Variants in ZFHX4 observed in about 807,000 individuals in gnomAD.
ZFHX4 encodes the protein zinc finger homeobox protein 4.
In ZFHX4, 56 loss-of-function variants were observed where a neutral mutation model predicts 267.6. That is an observed-to-expected ratio of 0.21 (90% CI 0.17 to 0.26). The LOEUF is 0.26. ZFHX4 is among the 10% of genes least tolerant of loss of function. The probability of loss-of-function intolerance (pLI) is 1.00; values close to 1 mark genes in which losing one functional copy is unlikely to be tolerated. For missense variants in ZFHX4, 4,332 were observed against 4,420.0 expected (o/e 0.98, Z 0.56); for synonymous variants, 1,778 against 1,665.6 (o/e 1.07, Z -1.64).
In ZFHX4 at chr8:76,864,535, T is replaced by C; in HGVS notation, c.10821T>C (p.Asn3607=). The part of the protein sequence containing the change: ...KPASGLDGNF[N]SIRMDMFSV ...CTTCTGGCCTAGATGGTAATTTCAA[T>C]AGCATCCGAATGGATATGTTCAGTG... Residue 3607 remains asparagine, a synonymous_variant, in exon 11 of 11, where the codon AAT becomes AAC. Transcript: ENST00000651372. 2 of 1,610,878 alleles carry C rather than the reference T, an allele frequency of 1.2e-6. No homozygotes were observed. The highest frequency in any genetic ancestry group is 1.1e-5 in the South Asian group (1 of 90,626).
chr8:76,758,557 C>G (rs549799139), intron 3 of ZFHX4, among the ~76,000 whole-genome samples: 1 of 152,102 alleles, frequency 6.6e-6, no homozygotes. Flanking sequence ...TGCAGTAGCA[C>G]GATCTCAGCT....
In ZFHX4 at chr8:76,863,158, G is replaced by A. The variant is rs781096405; in HGVS notation, c.9444G>A (p.Leu3148=). 2 of 1,551,496 alleles carry A rather than the reference G, an allele frequency of 1.3e-6. No homozygotes were observed. The highest frequency in any genetic ancestry group is 1.4e-5 in the African/African-American group (1 of 72,972). The change falls in exon 11 of 11, where the codon CTG becomes CTA. Residue 3148 remains leucine (L), a synonymous_variant. Transcript: ENST00000651372. ...FPTSATSSPA[L]SLSSAPTKPL... ...CTTCAGCTACTTCGTCTCCTGCCCTGTCTCTCAGCAGTGCCCCCACCAAAC... is the reference window on the plus strand; with the variant it reads ...CTTCAGCTACTTCGTCTCCTGCCCTATCTCTCAGCAGTGCCCCCACCAAAC...
chr8:76,718,089 G>C (rs1808626478), intron 3 of ZFHX4, among the ~76,000 whole-genome samples: 1 of 152,172 alleles, frequency 6.6e-6, no homozygotes, highest in African/African-American at 2.4e-5. Flanking sequence ...CAATTTACAA[G>C]ACATCTCCTT....
intron 4 of ZFHX4, among the ~76,000 whole-genome samples, chr8:76,810,976 T>C (rs1444944708): frequency 6.6e-6 from 1 of 152,174 alleles, no homozygotes. Flanking sequence ...AAGAAGCTAC[T>C]AGGCCATCTC....
intron 3 of ZFHX4, 94 bp downstream of exon 3, chr8:76,708,142 A>G: frequency 6.6e-7 from 1 of 1,516,702 alleles, no homozygotes; most frequent in Non-Finnish European, 9.0e-7. Flanking sequence ...TAAGGAAAAA[A>G]AAAGAGAAAA....
intron 4 of ZFHX4, among the ~76,000 whole-genome samples, chr8:76,788,798 A>C (rs1810761379): frequency 6.6e-6 from 1 of 152,216 alleles, no homozygotes; most frequent in Admixed American, 6.5e-5. Flanking sequence ...GGAAAAAGTG[A>C]AATATTTTAA....
intron 4 of ZFHX4, among the ~76,000 whole-genome samples, chr8:76,808,599 G>C (rs867085187): frequency 6.6e-6 from 1 of 152,174 alleles, no homozygotes; most frequent in South Asian, 2.1e-4. Flanking sequence ...GATAAGTGTC[G>C]CAGTTAAGAG....
intron 3 of ZFHX4, among the ~76,000 whole-genome samples, chr8:76,751,781 C>T (rs1809619976): frequency 6.6e-6 from 1 of 152,122 alleles, no homozygotes; most frequent in East Asian, 1.9e-4. Context: ...AGAAAGTACA[C>T]AATTTGCTTT....
intron 4 of ZFHX4, among the ~76,000 whole-genome samples, chr8:76,801,420 T>A (rs1199228611): frequency 6.6e-6 from 1 of 152,194 alleles, no homozygotes; most frequent in Non-Finnish European, 1.5e-5. Flanking sequence ...TTAAAAGAAC[T>A]CTTTGTCCTC....
At chr8:76,833,721 A>G (rs1032086) in intron 5 of ZFHX4, 146,497 of 287,472 alleles carry the variant, frequency 0.51, 39,496 homozygotes, top group African/African-American at 0.75. Context: ...TGATGAATCT[A>G]TATTGACACA....
In ZFHX4 at chr8:76,851,979, C is replaced by T; in HGVS notation, c.5058C>T (p.His1686=). The change falls in exon 10 of 11, where the codon CAC becomes CAT. Residue 1686 remains histidine (H), a synonymous_variant. Transcript: ENST00000651372. ...TAATCTCTGCTCAACCTGCACATCA[C>T]CCACCACAGTCACCAGCACAAATTC... is the stretch of plus-strand genomic sequence containing the variant. ...PDLISAQPAH[H]PPQSPAQIQM... is the part of the protein sequence containing the mutation. 1 of 1,613,972 alleles carries T rather than the reference C, an allele frequency of 6.2e-7. No homozygotes were observed. Among genetic ancestry groups the T allele is most frequent in the Non-Finnish European group, 8.5e-7 (1 of 1,179,872 alleles).
chr8:76,751,227 G>T (rs1809606851), intron 3 of ZFHX4, among the ~76,000 whole-genome samples: 2 of 152,088 alleles, frequency 1.3e-5, no homozygotes, highest in African/African-American at 4.8e-5. Flanking sequence ...TGCTGAGAGT[G>T]TATCTCAGCC....
intron 4 of ZFHX4, among the ~76,000 whole-genome samples, chr8:76,783,978 A>C (rs1035490064): frequency 6.6e-6 from 1 of 152,062 alleles, no homozygotes; most frequent in Non-Finnish European, 1.5e-5. Flanking sequence ...AATAATATAC[A>C]GAAGATGAAA....
At chr8:76,799,303 A>G (rs1418064464) in intron 4 of ZFHX4, among the ~76,000 whole-genome samples, 14 of 151,802 alleles carry the variant, frequency 9.2e-5, no homozygotes, top group Admixed American at 9.2e-4. Context: ...AGAATGTAGC[A>G]GAGAATTATC....
chr8:76,817,898 A>T (rs1811547570), intron 4 of ZFHX4, among the ~76,000 whole-genome samples: 1 of 152,228 alleles, frequency 6.6e-6, no homozygotes, highest in Non-Finnish European at 1.5e-5. Flanking sequence ...TATCTGGAAG[A>T]TTCTTCTACT....
chr8:76,789,874 C>T (rs935143410), intron 4 of ZFHX4, among the ~76,000 whole-genome samples: 6 of 152,174 alleles, frequency 3.9e-5, no homozygotes, highest in East Asian at 1.9e-4. Flanking sequence ...TATGAATGCA[C>T]GACAGAATCT....
At chr8:76,824,382 A>C (rs1811732014) in intron 4 of ZFHX4, among the ~76,000 whole-genome samples, 1 of 152,142 alleles carries the variant, frequency 6.6e-6, no homozygotes, top group African/African-American at 2.4e-5. Flanking sequence ...CCACATTTGT[A>C]GGCCTATATA....
chr8:76,761,822 T>G (rs1809921955), intron 3 of ZFHX4, among the ~76,000 whole-genome samples: 1 of 152,198 alleles, frequency 6.6e-6, no homozygotes, highest in Non-Finnish European at 1.5e-5. Flanking sequence ...GCCTGATGTT[T>G]AGGGCAATCT....
In ZFHX4 at chr8:76,863,123, G is replaced by C. The variant is rs1161145933; in HGVS notation, c.9409G>C (p.Gly3137Arg). 1.3e-6 allele frequency: 2 copies of C among 1,532,484 alleles called. No individual in the cohort carries two copies. The highest frequency in any genetic ancestry group is 4.1e-5 in the Admixed American group (2 of 48,490). 94.9% of individuals were successfully genotyped at this position (1,532,484 alleles called of 1,614,324 possible). Reference protein sequence around the residue: ...TLTPPGAGMLGFPTSATSSPA... With the variant: ...TLTPPGAGMLRFPTSATSSPA... ...AACACCTCCCGGTGCAGGCATGCTT[G>C]GGTTTCCTACTTCAGCTACTTCGTC... is the stretch of plus-strand genomic sequence containing the variant. The change falls in exon 11 of 11, where the codon GGG becomes CGG. Residue 3137 changes from glycine to arginine, a missense_variant. By Grantham distance (125) the Gly-to-Arg change is moderately radical. Around this residue, in one of 7 missense-constraint regions of ZFHX4, gnomAD observed 1,648 missense variants for 1,625.0 expected, o/e 1.01. Coordinates refer to ENST00000651372, the MANE Select transcript of ZFHX4 (RefSeq NM_024721.5).
Sources: gnomAD v4.1 joint callset for allele counts (sites outside exome capture counted in the v4.1 genomes callset) on GRCh38, gnomAD v4.1.1 for gene constraint, gnomAD v4.1.1 regional missense constraint, MANE v1.5 for transcripts, NCBI Gene and HGNC (gene_info 2026-07-23, HGNC 2026-07-21) for gene names.